Variants in CHD1L observed in about 807,000 individuals in gnomAD.
CHD1L encodes chromodomain helicase DNA binding protein 1 like, also known as ATP-dependent chromatin remodeler CHD1L.
A neutral mutation model predicts 115.9 loss-of-function variants in CHD1L; 118 were observed. The ratio of observed to expected loss-of-function variants is 1.02; its 90% CI spans 0.88 to 1.19. The LOEUF (loss-of-function observed/expected upper bound fraction) is 1.19, where lower values mean the gene tolerates loss of function less well. Among genes scored for constraint, CHD1L ranks in the 50% most tolerant of loss-of-function variants. CHD1L has a pLI of 0.00. For missense variants in CHD1L, 1,179 were observed against 1,065.3 expected, an observed-to-expected ratio of 1.11 and a Z score of -1.49; for synonymous variants, 411 against 387.1, an observed-to-expected ratio of 1.06 and a Z score of -0.72.
chr1:147,240,413 T>A (rs1056109415), upstream of CHD1L, among the ~76,000 whole-genome samples: 11 of 152,326 alleles, frequency 7.2e-5, no homozygotes, highest in African/African-American at 2.2e-4. Flanking sequence ...GACCTCTGCC[T>A]AGGAAAGCCA....
chr1:147,194,193 G>A, the CHD1L span, among the ~76,000 whole-genome samples: 1 of 152,122 alleles, frequency 6.6e-6, no homozygotes, highest in South Asian at 2.1e-4. Flanking sequence ...GGGTGCTCCT[G>A]CATTGGGTGC....
At chr1:147,191,532 T>C in the CHD1L span, among the ~76,000 whole-genome samples, 1 of 143,938 alleles carries the variant, frequency 6.9e-6, no homozygotes, top group East Asian at 2.0e-4. Context: ...GATGGGGTTG[T>C]TTGTTTTTTT....
chr1:147,287,174 C>T (rs587671921), intron 18 of CHD1L, among the ~76,000 whole-genome samples: 1 of 152,268 alleles, frequency 6.6e-6, no homozygotes, highest in South Asian at 2.1e-4. Flanking sequence ...TGCTACCAAA[C>T]GTTTGTAGTG....
intron 1 of CHD1L, among the ~76,000 whole-genome samples, chr1:147,247,166 T>C (rs1223700169): frequency 1.3e-5 from 2 of 152,224 alleles, no homozygotes; most frequent in Admixed American, 1.3e-4. Context: ...TTTTATTACA[T>C]TGTGGTCAGA....
chr1:147,192,994 G>C, the CHD1L span, among the ~76,000 whole-genome samples: 1 of 152,094 alleles, frequency 6.6e-6, no homozygotes, highest in African/African-American at 2.4e-5. Context: ...TCTCTGCCAG[G>C]CTTTGGTATC....
chr1:147,191,081 C>T, the CHD1L span, among the ~76,000 whole-genome samples: 1 of 152,044 alleles, frequency 6.6e-6, no homozygotes, highest in African/African-American at 2.4e-5. Context: ...TCCAGTCTAT[C>T]GTTGTTGGAC....
chr1:147,257,442 C>A (rs1553941142), intron 5 of CHD1L, among the ~76,000 whole-genome samples: 1 of 151,816 alleles, frequency 6.6e-6, no homozygotes. Flanking sequence ...GATATACATT[C>A]CCTCTCTTTT....
chr1:147,175,874 C>G, the CHD1L span: 1 of 146,652 alleles, frequency 6.8e-6, no homozygotes, highest in African/African-American at 2.5e-5. Context: ...TAAAAGAAGC[C>G]AGGCTCCACT....
the CHD1L span, among the ~76,000 whole-genome samples, chr1:147,189,074 G>C: frequency 6.6e-6 from 1 of 152,034 alleles, no homozygotes; most frequent in South Asian, 2.1e-4. Context: ...AGGAGTTTGA[G>C]ACCAGCCTGG....
At chr1:147,202,992 C>T in the CHD1L span, among the ~76,000 whole-genome samples, 2 of 152,170 alleles carry the variant, frequency 1.3e-5, no homozygotes, top group Non-Finnish European at 2.9e-5. Context: ...CCCACTCCCA[C>T]ACCATTTTCA....
the CHD1L span, among the ~76,000 whole-genome samples, chr1:147,189,918 A>G: frequency 7.1e-4 from 108 of 152,248 alleles, no homozygotes; most frequent in African/African-American, 2.5e-3. Flanking sequence ...TTATTTCCAT[A>G]TGCATTTTCC....
the CHD1L span, among the ~76,000 whole-genome samples, chr1:147,199,814 A>G: frequency 6.6e-6 from 1 of 152,330 alleles, no homozygotes; most frequent in Non-Finnish European, 1.5e-5. Flanking sequence ...TTGTTGAACT[A>G]TCAACTGTAA....
intron 9 of CHD1L, among the ~76,000 whole-genome samples, chr1:147,268,226 T>G (rs1343902010): frequency 6.6e-6 from 1 of 152,170 alleles, no homozygotes; most frequent in Non-Finnish European, 1.5e-5. Flanking sequence ...ATGTGTGGTG[T>G]TTTTGTTTTT....
chr1:147,281,748 G>T (rs1680926222), intron 15 of CHD1L, among the ~76,000 whole-genome samples: 1 of 151,662 alleles, frequency 6.6e-6, no homozygotes, highest in South Asian at 2.1e-4. Context: ...TTTTTAAAAA[G>T]TATTTCTCTT....
the CHD1L span, among the ~76,000 whole-genome samples, chr1:147,199,463 A>G: frequency 0.21 from 31,512 of 152,124 alleles, 3,502 homozygotes; most frequent in Middle Eastern, 0.26. Context: ...CTGCTAGCAT[A>G]GGAAGCTGGG....
chr1:147,215,943 C>T, the CHD1L span: 1 of 1,601,256 alleles, frequency 6.2e-7, no homozygotes, highest in South Asian at 1.1e-5. Context: ...CAGGATTTTC[C>T]TGCAATAAAT....
Position 147,242,709 on chromosome 1 carries a change from G to C in CHD1L, c.6G>C (p.Glu2Asp). M[E>D]RAGATSRGGQ... ...GCGGGGCCTCTACCGGCCCGATGGA[G>C]CGCGCGGGCGCTACTAGCCGCGGGG... The change falls in exon 1 of 23, where the codon GAG becomes GAC. Residue 2 changes from glutamate (E) to aspartate (D), a missense_variant. Glu to Asp is a conservative substitution (Grantham distance 45, BLOSUM62 2). Coordinates refer to ENST00000369258, the MANE Select transcript of CHD1L (RefSeq NM_004284.6). 2 of 1,258,086 alleles carry C rather than the reference G, an allele frequency of 1.6e-6. No individual in the cohort carries two copies. Among genetic ancestry groups the C allele is most frequent in the Non-Finnish European group, 2.0e-6 (2 of 997,976 alleles). The allele number at this position is 1,258,086 out of a possible 1,614,324, so 77.9% of individuals were successfully genotyped here. A position where few individuals can be genotyped will look rare whatever the true frequency, so the allele number is the denominator to read the frequency against.
chr1:147,230,579 G>C, the CHD1L span, among the ~76,000 whole-genome samples: 1 of 94,076 alleles, frequency 1.1e-5, no homozygotes, highest in Non-Finnish European at 1.8e-5. Context: ...GTTTCAGAAG[G>C]AATGGTCCCA....
Position 147,276,225 on chromosome 1 carries a change from G to A in CHD1L, c.1507G>A (p.Ala503Thr), listed in dbSNP as rs920875844. Residue 503 changes from alanine to threonine, a missense_variant, in exon 14 of 23, where the codon GCC (alanine) becomes ACC (threonine). Transcript: ENST00000369258. ...AGAAGGAGGCCATTTTACTCTGGGA[G>A]CCCAGAAACCCGCTGCCGATGCTGA... ...IIEGGHFTLG[A>T]QKPAADADLQ... 2.5e-6 allele frequency: 4 copies of A among 1,614,156 alleles called. No homozygotes were observed. The highest frequency in any genetic ancestry group is 3.4e-6 in the Non-Finnish European group (4 of 1,180,024).
Sources: allele counts gnomAD v4.1 joint callset (sites outside exome capture counted in the v4.1 genomes callset), GRCh38; gene constraint gnomAD v4.1.1; transcripts MANE v1.5; gene names NCBI Gene and HGNC (gene_info 2026-07-23, HGNC 2026-07-21).